ZNF559: variants seen among roughly 807,000 people sequenced by gnomAD.
ZNF559 encodes the protein putative protein product of Nbla00121.
ZNF559 carries 17 observed loss-of-function variants against 14.2 expected under a neutral mutation model. That is an observed-to-expected ratio of 1.20 (90% CI 0.82 to 1.80). The LOEUF is 1.80. Ranked by LOEUF, ZNF559 falls within the 40% of genes most tolerant of loss-of-function variation. The pLI is 0.00. For missense variants in ZNF559, 740 were observed against 629.7 expected (o/e 1.18, Z -1.88); for synonymous variants, 244 against 212.4 (o/e 1.15, Z -1.29).
intron 2 of ZNF559, among the ~76,000 whole-genome samples, chr19:9,325,636 C>A (rs769446904): frequency 6.6e-6 from 1 of 151,900 alleles, no homozygotes; most frequent in African/African-American, 2.4e-5. Flanking sequence ...ACTCAAAATA[C>A]AAAAAATTAG....
upstream of ZNF559, chr19:9,323,844 T>C (rs1013281266): frequency 2.0e-5 from 7 of 349,984 alleles, no homozygotes; most frequent in African/African-American, 1.0e-4. Context: ...GAAGGTTCTG[T>C]TTCGGAGCCC....
intron 2 of ZNF559, among the ~76,000 whole-genome samples, chr19:9,325,979 C>G (rs1003622751): frequency 6.6e-6 from 1 of 152,092 alleles, no homozygotes; most frequent in South Asian, 2.1e-4. Flanking sequence ...TTGTCCATCC[C>G]CACCCCCAAA....
chr19:9,325,123 T>G (rs1456488102), intron 2 of ZNF559, among the ~76,000 whole-genome samples: 3 of 152,082 alleles, frequency 2.0e-5, no homozygotes, highest in Non-Finnish European at 4.4e-5. Context: ...TTTTGACAGG[T>G]GGGTTTTCTA....
upstream of ZNF559, chr19:9,324,092 G>C (rs2066428567): frequency 3.4e-6 from 5 of 1,466,134 alleles, no homozygotes; most frequent in Admixed American, 1.0e-4. Flanking sequence ...GGAAAAAGCC[G>C]CAGCAGCTGA....
intron 2 of ZNF559, among the ~76,000 whole-genome samples, chr19:9,336,697 A>G (rs73920744): frequency 2.8e-4 from 42 of 152,320 alleles, no homozygotes; most frequent in African/African-American, 9.6e-4. Flanking sequence ...TGACTGCTCT[A>G]TCCTAAGTGT....
Position 9,324,747 on chromosome 19 carries a change from G to A in ZNF559, c.-153G>A, listed in dbSNP as rs1188430706. 13 of 1,535,606 alleles carry A rather than the reference G, an allele frequency of 8.5e-6. No individual in the cohort carries two copies. Among genetic ancestry groups the A allele is most frequent in the Non-Finnish European group, 1.1e-5 (13 of 1,146,826 alleles). ...GGTGACCTTCGCTTGGTGTCCTCCT[G>A]GCCTCAGCAACCTGACAATTCTGTC... On this transcript the variant is annotated 5_prime_UTR_variant, in exon 2 of 7. Transcript: ENST00000603380.
At chr19:9,328,256 C>T (rs569347357) in intron 2 of ZNF559, among the ~76,000 whole-genome samples, 1 of 150,206 alleles carries the variant, frequency 6.7e-6, no homozygotes, top group South Asian at 2.1e-4. Flanking sequence ...TTTGTCCTTA[C>T]TAAGGATATA....
chr19:9,341,641 CAATG>C, intron 6 of ZNF559, 50 bp from the exon 7 acceptor site: 2 of 1,603,416 alleles, frequency 1.2e-6, no homozygotes, highest in Non-Finnish European at 8.5e-7. Flanking sequence ...GGGAGAATCT[CAATG>C]AAATAAATTT....
chr19:9,329,753 T>A (rs1202135947), intron 2 of ZNF559, among the ~76,000 whole-genome samples: 1 of 152,108 alleles, frequency 6.6e-6, no homozygotes, highest in Non-Finnish European at 1.5e-5. Context: ...AACCTCCACC[T>A]CCCGGGTTCA....
At chr19:9,338,110 G>A in intron 3 of ZNF559, 2 of 1,123,260 alleles carry the variant, frequency 1.8e-6, no homozygotes, top group Non-Finnish European at 2.6e-6. Flanking sequence ...AAGTGGCCCT[G>A]CTTTTGAGAT....
At chr19:9,324,322 G>A in intron 1 of ZNF559, 94 bp downstream of exon 1, 3 of 1,532,200 alleles carry the variant, frequency 2.0e-6, no homozygotes, top group East Asian at 2.5e-5. Flanking sequence ...GTGAAATGGA[G>A]CCTGTCCCGT....
Position 9,337,825 on chromosome 19 carries a change from C to T in ZNF559, c.-90C>T, listed in dbSNP as rs2067323564. On this transcript the variant is annotated 5_prime_UTR_variant, in exon 3 of 7. Transcript: ENST00000603380. ...ATGGCTAATGAATGGCGCTTGATGA[C>T]AGATGAGTAATGCCTGTTGCTGAAA... The T allele has an allele frequency of 1.4e-6, 2 of 1,469,316 alleles. No homozygotes were observed. Among genetic ancestry groups the T allele is most frequent in the African/African-American group, 1.4e-5 (1 of 71,412 alleles). 91.0% of individuals were successfully genotyped at this position (1,469,316 alleles called of 1,614,324 possible). A position where few individuals can be genotyped will look rare whatever the true frequency, so the allele number is the denominator to read the frequency against.
intron 2 of ZNF559, among the ~76,000 whole-genome samples, chr19:9,328,479 G>A (rs2066759013): frequency 6.7e-6 from 1 of 149,384 alleles, no homozygotes; most frequent in Non-Finnish European, 1.5e-5. Context: ...TCAGCCTCCT[G>A]AGTAGCTGGG....
At chr19:9,326,518 C>T (rs2145049179) in intron 2 of ZNF559, among the ~76,000 whole-genome samples, 1 of 152,232 alleles carries the variant, frequency 6.6e-6, no homozygotes, top group South Asian at 2.1e-4. Context: ...TACCTATGTC[C>T]TGTATTTCTT....
intron 3 of ZNF559, 23 bp from the exon 4 acceptor site, chr19:9,338,471 A>T (rs1388611902): frequency 6.3e-7 from 1 of 1,588,002 alleles, no homozygotes; most frequent in African/African-American, 1.3e-5. Context: ...CTGGATTCTC[A>T]GATTTTATTT....
intron 1 of ZNF559, 167 bp from the exon 2 acceptor site, chr19:9,324,528 C>T (rs923454059): frequency 7.9e-6 from 10 of 1,260,704 alleles, no homozygotes; most frequent in Middle Eastern, 2.7e-4. Flanking sequence ...CGCGGCGGCT[C>T]ACGCCTGTCA....
intron 2 of ZNF559, among the ~76,000 whole-genome samples, chr19:9,326,974 A>G (rs886686259): frequency 1.3e-5 from 2 of 152,230 alleles, no homozygotes; most frequent in Non-Finnish European, 2.9e-5. Flanking sequence ...CAGTTGCACT[A>G]GCCACATGGG....
chr19:9,325,805 C>A (rs957686117), intron 2 of ZNF559, among the ~76,000 whole-genome samples: 9 of 148,098 alleles, frequency 6.1e-5, no homozygotes, highest in Non-Finnish European at 1.0e-4. Context: ...AAAAAAAAGT[C>A]TTTAACCCTT....
At position 9,324,185 on chromosome 19, in the gene ZNF559, A is replaced by T. The variant is rs1205806127; in HGVS notation, c.-249A>T. ...GGCGTGTCTGCGTGGGCGCATGCGC[A>T]TAACGGCCGCCATCTTAACAGCGCG... On this transcript the variant is annotated 5_prime_UTR_variant, in exon 1 of 7. Transcript: ENST00000603380. 9 of 1,535,948 alleles carry T rather than the reference A, an allele frequency of 5.9e-6. No individual in the cohort carries two copies. The highest frequency in any genetic ancestry group is 7.8e-6 in the Non-Finnish European group (9 of 1,146,868).
Sources: allele counts gnomAD v4.1 joint callset (sites outside exome capture counted in the v4.1 genomes callset), GRCh38; gene constraint gnomAD v4.1.1; transcripts MANE v1.5; gene names NCBI Gene and HGNC (gene_info 2026-07-23, HGNC 2026-07-21).